Variants in WNT5A observed in about 807,000 individuals in gnomAD.
The protein encoded by WNT5A is Wnt family member 5A.
WNT5A carries 9 observed loss-of-function variants against 42.1 expected under a neutral mutation model. The observed-to-expected ratio is 0.21, with a 90% CI of 0.13 to 0.37. WNT5A has a LOEUF of 0.37. Among genes scored for constraint, WNT5A ranks in the 10% least tolerant of loss-of-function variants. The pLI is 1.00. For synonymous variants in WNT5A, 210 were observed against 210.0 expected (o/e 1.00, Z 0.00); for missense variants, 426 against 534.0 (o/e 0.80, Z 1.99).
chr3:55,487,112 G>T lies in WNT5A; in HGVS notation c.-127C>A, dbSNP rs565951746. ...GCAGGGCTGCGGAGTCCTCCGGCGC[G>T]CGTCCGGCGGGCGCAGTGAACCGGA... is the stretch of plus-strand genomic sequence containing the variant. On this transcript the variant is annotated 5_prime_UTR_variant, in exon 1 of 5. Coordinates refer to ENST00000264634, the MANE Select transcript of WNT5A (RefSeq NM_003392.7). 110 of 792,600 alleles carry T rather than the reference G, an allele frequency of 1.4e-4. 1 individual carries two copies. The African/African-American group carries it at 1.7e-3, about 12-fold the overall frequency. 49.1% of individuals were successfully genotyped at this position (792,600 alleles called of 1,614,324 possible). A position where few individuals can be genotyped will look rare whatever the true frequency, so the allele number is the denominator to read the frequency against.
At chr3:55,484,449 G>A (rs1337470851) in intron 1 of WNT5A, among the ~76,000 whole-genome samples, 1 of 152,186 alleles carries the variant, frequency 6.6e-6, no homozygotes, top group East Asian at 1.9e-4. Context: ...AGCAATATGT[G>A]TGTTGGCGCG....
chr3:55,490,887 C>G (rs925808937), upstream of WNT5A, among the ~76,000 whole-genome samples: 3 of 152,144 alleles, frequency 2.0e-5, no homozygotes, highest in Non-Finnish European at 4.4e-5. Context: ...TTTTATTTTC[C>G]CAAAATTTCC....
intron 3 of WNT5A, among the ~76,000 whole-genome samples, chr3:55,474,878 T>G (rs1213853664): frequency 3.2e-5 from 2 of 62,304 alleles, no homozygotes; most frequent in South Asian, 7.4e-4. Context: ...AGGTAGAAGG[T>G]GGGGGGCAGG....
chr3:55,480,955 C>G, intron 1 of WNT5A, 37 bp from the exon 2 acceptor site: 1 of 1,426,400 alleles, frequency 7.0e-7, no homozygotes, highest in Non-Finnish European at 9.2e-7. Flanking sequence ...TTTATTGCCT[C>G]TCAGATAATT....
chr3:55,475,326 C>T (rs557084805), intron 3 of WNT5A, among the ~76,000 whole-genome samples: 10 of 152,322 alleles, frequency 6.6e-5, no homozygotes, highest in African/African-American at 2.4e-4. Flanking sequence ...GGCCTTGAAT[C>T]TAAGGGAGAC....
At chr3:55,472,214 C>T (rs1052786222) in intron 4 of WNT5A, among the ~76,000 whole-genome samples, 5 of 152,124 alleles carry the variant, frequency 3.3e-5, no homozygotes, top group African/African-American at 1.2e-4. Context: ...TAAAAAAATG[C>T]AGAAGTGTAA....
rs1043903674 is a variant in WNT5A at position 55,469,943 on chromosome 3, T to G, written c.*149A>C. 6 of 785,334 alleles carry G rather than the reference T, an allele frequency of 7.6e-6. No individual in the cohort carries two copies. Among genetic ancestry groups the G allele is most frequent in the Non-Finnish European group, 1.2e-5 (6 of 485,516 alleles). 48.6% of individuals were successfully genotyped at this position (785,334 alleles called of 1,614,324 possible). On this transcript the variant is annotated 3_prime_UTR_variant, in exon 5 of 5. Coordinates refer to ENST00000264634, the MANE Select transcript of WNT5A (RefSeq NM_003392.7). ...ATAATATTAATAATAAACCACAGAG[T>G]TCTTAGATGGTAACAGGAAAAAAAA...
At chr3:55,503,319 C>T in the WNT5A span, among the ~76,000 whole-genome samples, 1 of 152,144 alleles carries the variant, frequency 6.6e-6, no homozygotes, top group Non-Finnish European at 1.5e-5. Flanking sequence ...TCCATTTGTT[C>T]AGGATCTATT....
In WNT5A at chr3:55,483,962, C is replaced by A. The variant is rs903957044; in HGVS notation, c.6+3018G>T. On this transcript the variant is annotated intron_variant, in intron 1 of 4. Coordinates refer to ENST00000264634, the MANE Select transcript of WNT5A (RefSeq NM_003392.7). The surrounding 1 kb of genome is among the most constrained non-coding windows in gnomAD (Gnocchi z 4.2). The stretch of plus-strand genomic sequence containing the variant: ...CCCAACTCCTCCTCCGCAGGCAGTC[C>A]CTTAAGAGAATAGATAAAAAGGCCA... Among the ~76,000 whole-genome samples the A allele has an allele frequency of 2.6e-5, 4 of 151,918 alleles. No homozygotes were observed. The highest frequency in any genetic ancestry group is 1.9e-4 in the East Asian group (1 of 5,148).
At chr3:55,498,601 T>C in the WNT5A span, among the ~76,000 whole-genome samples, 7 of 152,168 alleles carry the variant, frequency 4.6e-5, no homozygotes, top group Admixed American at 4.6e-4. Context: ...TCTTCTGCTG[T>C]TAAGAGCACC....
In WNT5A at chr3:55,480,814, G is replaced by A. The variant is rs922287484; in HGVS notation, c.111C>T (p.Ala37=). ...LVALAIFFSF[A]QVVIEANSWW... is the part of the protein sequence containing the mutation. ...AAGAATTGGCTTCAATTACAACCTG[G>A]GCGAAGGAGAAAAATATGGCCAAAG... Residue 37 remains alanine, a synonymous_variant, in exon 2 of 5, where the codon GCC becomes GCT. Transcript: ENST00000264634. 5.7e-6 allele frequency: 9 copies of A among 1,574,452 alleles called. No homozygotes were observed. The highest frequency in any genetic ancestry group is 7.8e-6 in the Non-Finnish European group (9 of 1,158,982).
At chr3:55,481,475 G>A in intron 1 of WNT5A, 1 of 172,520 alleles carries the variant, frequency 5.8e-6, no homozygotes, top group South Asian at 2.0e-4. Context: ...ACGCGGGAGG[G>A]AAGGGCAGGG....
At chr3:55,470,977 A>G (rs968392723) in intron 4 of WNT5A, among the ~76,000 whole-genome samples, 5 of 152,154 alleles carry the variant, frequency 3.3e-5, no homozygotes, top group African/African-American at 1.2e-4. Context: ...CAGAGAGATG[A>G]GCCACTCACC....
the WNT5A span, among the ~76,000 whole-genome samples, chr3:55,500,675 T>G: frequency 6.6e-6 from 1 of 152,216 alleles, no homozygotes; most frequent in Non-Finnish European, 1.5e-5. Context: ...AGAAATATTC[T>G]GAGTAATTCC....
At chr3:55,471,695 C>G (rs970276809) in intron 4 of WNT5A, among the ~76,000 whole-genome samples, 1 of 152,244 alleles carries the variant, frequency 6.6e-6, no homozygotes, top group African/African-American at 2.4e-5. Flanking sequence ...GCCCACGGGT[C>G]TGGCCCTATA....
the WNT5A span, among the ~76,000 whole-genome samples, chr3:55,499,961 C>T: frequency 1.5e-5 from 2 of 136,766 alleles, no homozygotes; most frequent in South Asian, 2.4e-4. Context: ...GGCAACAGAA[C>T]GAGACTCCAT....
chr3:55,470,275 C>T lies in WNT5A; in HGVS notation c.960G>A (p.Thr320=). ...ACGTCTTGTTGCACAGGCGGCCCTG[C>T]GTGCCCAGCGAGCCGGTGCTCTCAT... ...VRNESTGSLG[T]QGRLCNKTSE... The change falls in exon 5 of 5, where the codon ACG becomes ACA. Residue 320 remains threonine, a synonymous_variant. Transcript: ENST00000264634. The T allele has an allele frequency of 5.6e-6, 9 of 1,613,990 alleles. No homozygotes were observed. The highest frequency in any genetic ancestry group is 1.1e-5 in the South Asian group (1 of 91,078).
At chr3:55,471,150 A>G (rs1168554750) in intron 4 of WNT5A, among the ~76,000 whole-genome samples, 1 of 152,146 alleles carries the variant, frequency 6.6e-6, no homozygotes, top group African/African-American at 2.4e-5. Flanking sequence ...TACTACTATT[A>G]TTGCTGTGCA....
chr3:55,477,370 C>T (rs905096283), intron 3 of WNT5A, among the ~76,000 whole-genome samples: 16 of 152,170 alleles, frequency 1.1e-4, no homozygotes, highest in Non-Finnish European at 2.1e-4. Context: ...CCACAAGCCA[C>T]CCAGCAGCAG....
Sources: gnomAD v4.1 joint callset for allele counts (sites outside exome capture counted in the v4.1 genomes callset) on GRCh38, gnomAD v4.1.1 for gene constraint, Gnocchi (gnomAD v3.1) non-coding constraint, MANE v1.5 for transcripts, NCBI Gene and HGNC (gene_info 2026-07-23, HGNC 2026-07-21) for gene names.